DTNB: variants seen among roughly 807,000 people sequenced by gnomAD.
DTNB encodes dystrobrevin beta.
DTNB carries 63 observed loss-of-function variants against 90.7 expected under a neutral mutation model. The observed-to-expected ratio is 0.69, with a 90% CI of 0.57 to 0.86. The LOEUF (loss-of-function observed/expected upper bound fraction) is 0.86, where lower values mean the gene tolerates loss of function less well. Among genes scored for constraint, DTNB ranks in the 40% least tolerant of loss-of-function variants. The probability of loss-of-function intolerance (pLI) is 0.00; values close to 1 mark genes in which losing one functional copy is unlikely to be tolerated. For synonymous variants in DTNB, 277 were observed against 286.7 expected, an observed-to-expected ratio of 0.97 and a Z score of 0.34; for missense variants, 744 against 807.1, an observed-to-expected ratio of 0.92 and a Z score of 0.95.
At chr2:25,522,310 T>C (rs2076285564) in intron 9 of DTNB, among the ~76,000 whole-genome samples, 2 of 152,192 alleles carry the variant, frequency 1.3e-5, no homozygotes, top group South Asian at 4.1e-4. Flanking sequence ...GTGGTGGCTT[T>C]GGGAAACTGT....
intron 15 of DTNB, 85 bp from the exon 16 acceptor site, chr2:25,419,620 G>A: frequency 6.6e-7 from 1 of 1,505,706 alleles, no homozygotes; most frequent in Non-Finnish European, 8.9e-7. Context: ...ACAAACATTG[G>A]TCAGAAATGA....
intron 1 of DTNB, among the ~76,000 whole-genome samples, chr2:25,669,466 A>G (rs887626290): frequency 1.3e-5 from 2 of 152,200 alleles, no homozygotes; most frequent in Admixed American, 1.3e-4. Flanking sequence ...AAATTTTCTT[A>G]AACCAGATAC....
At chr2:25,632,908 T>G (rs930742274) in intron 3 of DTNB, among the ~76,000 whole-genome samples, 1 of 152,182 alleles carries the variant, frequency 6.6e-6, no homozygotes, top group African/African-American at 2.4e-5. Flanking sequence ...AGATAAAAAA[T>G]GCCCACTATC....
chr2:25,621,609 ATT>A (rs758895953), intron 4 of DTNB, among the ~76,000 whole-genome samples: 13 of 105,988 alleles, frequency 1.2e-4, no homozygotes, highest in African/African-American at 4.1e-4. Context: ...TGCCTGGCTA[ATT>A]TTTTTTTTTT....
intron 7 of DTNB, among the ~76,000 whole-genome samples, chr2:25,580,402 T>C (rs1201674322): frequency 6.6e-6 from 1 of 151,650 alleles, no homozygotes; most frequent in Non-Finnish European, 1.5e-5. Flanking sequence ...GCACCTGTAA[T>C]CCCAGCTACT....
chr2:25,438,265 C>CA (rs1574461737), intron 12 of DTNB, among the ~76,000 whole-genome samples: 1 of 151,946 alleles, frequency 6.6e-6, no homozygotes, highest in South Asian at 2.1e-4. Context: ...GGGCCACACA[C>CA]AAAAAAACTA....
chr2:25,654,335 ACAGT>A (rs1354036275), intron 1 of DTNB, among the ~76,000 whole-genome samples: 1 of 152,196 alleles, frequency 6.6e-6, no homozygotes, highest in Non-Finnish European at 1.5e-5. Flanking sequence ...AGCAATATCT[ACAGT>A]CAGTTTTGGT....
At chr2:25,554,983 T>C (rs2057024970) in intron 8 of DTNB, among the ~76,000 whole-genome samples, 1 of 152,146 alleles carries the variant, frequency 6.6e-6, no homozygotes, top group Non-Finnish European at 1.5e-5. Flanking sequence ...TTCTCTGTAA[T>C]GTTTTCTTTC....
chr2:25,549,172 G>A (rs2083071088), intron 8 of DTNB, among the ~76,000 whole-genome samples: 1 of 151,748 alleles, frequency 6.6e-6, no homozygotes, highest in Admixed American at 6.6e-5. Context: ...GTAAGTAGAT[G>A]AGTTTAGTTT....
chr2:25,410,367 C>A (rs2046291841), intron 16 of DTNB, among the ~76,000 whole-genome samples: 1 of 152,136 alleles, frequency 6.6e-6, no homozygotes, highest in African/African-American at 2.4e-5. Flanking sequence ...CCCAAAGCTA[C>A]TTTTCTCTTG....
chr2:25,451,052 C>T (rs995543716), intron 12 of DTNB, among the ~76,000 whole-genome samples: 11 of 152,118 alleles, frequency 7.2e-5, no homozygotes, highest in Admixed American at 3.3e-4. Flanking sequence ...GTGATCTGCC[C>T]GCCTCAGCCT....
intron 10 of DTNB, among the ~76,000 whole-genome samples, chr2:25,462,340 G>A (rs899484772): frequency 1.2e-4 from 19 of 152,040 alleles, no homozygotes; most frequent in African/African-American, 4.3e-4. Context: ...GAGCAATAGC[G>A]GGACAAGGTC....
chr2:25,431,509 C>G (rs2149939718), intron 14 of DTNB, among the ~76,000 whole-genome samples: 1 of 152,324 alleles, frequency 6.6e-6, no homozygotes. Flanking sequence ...AGGTTAAATA[C>G]TTTCTGATTA....
intron 12 of DTNB, among the ~76,000 whole-genome samples, chr2:25,440,797 A>G (rs1401950878): frequency 5.9e-5 from 9 of 152,152 alleles, no homozygotes; most frequent in Admixed American, 5.9e-4. Context: ...CCCATATTTT[A>G]TTTCTCTCTC....
intron 8 of DTNB, among the ~76,000 whole-genome samples, chr2:25,545,059 T>C (rs780270169): frequency 1.3e-4 from 20 of 152,224 alleles, no homozygotes; most frequent in Non-Finnish European, 2.5e-4. Context: ...ACTTTCCATC[T>C]CCTTTTATCT....
chr2:25,508,730 C>G (rs2073165021), intron 9 of DTNB, among the ~76,000 whole-genome samples: 1 of 152,008 alleles, frequency 6.6e-6, no homozygotes, highest in African/African-American at 2.4e-5. Flanking sequence ...GACAGGGTTT[C>G]TCCATGTTGG....
intron 12 of DTNB, among the ~76,000 whole-genome samples, chr2:25,437,570 C>T (rs749702552): frequency 3.3e-5 from 5 of 151,990 alleles, no homozygotes; most frequent in African/African-American, 4.8e-5. Flanking sequence ...CTTTTATTTA[C>T]AATCTTAAAC....
intron 12 of DTNB, among the ~76,000 whole-genome samples, chr2:25,450,571 T>C (rs2059129129): frequency 1.3e-5 from 2 of 152,250 alleles, no homozygotes; most frequent in African/African-American, 4.8e-5. Flanking sequence ...AACAGTTTGC[T>C]AATTTCTATA....
chr2:25,591,313 T>C lies in DTNB; in HGVS notation c.603+4773A>G, dbSNP rs998486088. On this transcript the variant is annotated intron_variant, in intron 6 of 20. Transcript: ENST00000406818. ...AAGCTCCCACCCTGTCAACTGAGAA[T>C]AGGGTGGAGCTTCTGCCTGTTCCTG... Among the ~76,000 whole-genome samples the C allele has an allele frequency of 3.3e-5, 5 of 152,148 alleles. 1 individual carries two copies. The highest frequency in any genetic ancestry group is 2.6e-4 in the Admixed American group (4 of 15,280).
Sources: allele counts gnomAD v4.1 joint callset (sites outside exome capture counted in the v4.1 genomes callset), GRCh38; gene constraint gnomAD v4.1.1; transcripts MANE v1.5; gene names NCBI Gene and HGNC (gene_info 2026-07-23, HGNC 2026-07-21).